Variants in PCDHGA5 observed in about 807,000 individuals in gnomAD.
PCDHGA5 encodes protocadherin gamma subfamily A, 5.
A neutral mutation model predicts 56.7 loss-of-function variants in PCDHGA5; 36 were observed. The observed-to-expected ratio is 0.64, with a 90% CI of 0.49 to 0.84. The LOEUF is 0.84. PCDHGA5 is among the 40% of genes least tolerant of loss of function. The probability of loss-of-function intolerance (pLI) is 0.00; values close to 1 mark genes in which losing one functional copy is unlikely to be tolerated. For synonymous variants in PCDHGA5, 563 were observed against 520.2 expected, an observed-to-expected ratio of 1.08 and a Z score of -1.12; for missense variants, 1,305 against 1,201.5, an observed-to-expected ratio of 1.09 and a Z score of -1.27.
intron 1 of PCDHGA5, among the ~76,000 whole-genome samples, chr5:141,456,621 G>T (rs6885794): frequency 0.55 from 83,339 of 152,038 alleles, 25,195 homozygotes; most frequent in African/African-American, 0.82. Context: ...CTGTAGATTT[G>T]CCTCTTCTTT....
chr5:141,399,373 GT>G, intron 1 of PCDHGA5: 1 of 1,613,982 alleles, frequency 6.2e-7, no homozygotes. Context: ...GGAGTACAAT[GT>G]CACCATCACA....
chr5:141,495,415 C>T (rs1385371906), intron 2 of PCDHGA5, among the ~76,000 whole-genome samples: 1 of 152,194 alleles, frequency 6.6e-6, no homozygotes, highest in Admixed American at 6.5e-5. Context: ...TTCTCCGGCC[C>T]CTCCTCCCAC....
chr5:141,444,594 T>C (rs2098442338), intron 1 of PCDHGA5, among the ~76,000 whole-genome samples: 1 of 152,244 alleles, frequency 6.6e-6, no homozygotes, highest in South Asian at 2.1e-4. Flanking sequence ...ACTTACCTTA[T>C]TTAAAATTGA....
chr5:141,497,825 C>T (rs1015168533), intron 2 of PCDHGA5, among the ~76,000 whole-genome samples: 3 of 152,154 alleles, frequency 2.0e-5, no homozygotes, highest in Admixed American at 6.5e-5. Context: ...CAGGTGTGAT[C>T]GCCCCCGGCC....
chr5:141,392,273 G>A (rs1037062086), intron 1 of PCDHGA5: 3 of 152,178 alleles, frequency 2.0e-5, no homozygotes, highest in Admixed American at 2.0e-4. Flanking sequence ...TTACAATAAA[G>A]CTTAGAGCAC....
At chr5:141,393,952 G>C in intron 1 of PCDHGA5, 4 of 1,613,916 alleles carry the variant, frequency 2.5e-6, no homozygotes, top group Non-Finnish European at 3.4e-6. Context: ...GGAAAGAATG[G>C]TCAAGTTGTC....
At chr5:141,399,311 A>C in intron 1 of PCDHGA5, 1 of 1,613,970 alleles carries the variant, frequency 6.2e-7, no homozygotes, top group Non-Finnish European at 8.5e-7. Context: ...TCTTCATCCA[A>C]AAATTCGTAT....
chr5:141,491,723 G>C lies in PCDHGA5; in HGVS notation c.2422-3084G>C. The C allele has an allele frequency of 1.2e-6, 2 of 1,606,770 alleles. No homozygotes were observed. The highest frequency in any genetic ancestry group is 1.7e-6 in the Non-Finnish European group (2 of 1,177,028). On this transcript the variant is annotated intron_variant, in intron 1 of 3. Transcript: ENST00000518069. The surrounding 1 kb of genome is among the most constrained non-coding windows in gnomAD (Gnocchi z 6.9). The stretch of plus-strand genomic sequence containing the variant: ...CAGGTGAGGGGCTCGGCGCCGCCCC[G>C]GGCGACCCCTGGGGGCGGCACTGGA...
At chr5:141,398,162 A>G (rs1037240871) in intron 1 of PCDHGA5, 45 of 1,481,274 alleles carry the variant, frequency 3.0e-5, no homozygotes, top group Non-Finnish European at 4.0e-5. Flanking sequence ...GGCCGGGCTG[A>G]GAGGCTGCCA....
intron 1 of PCDHGA5, among the ~76,000 whole-genome samples, chr5:141,466,570 T>C (rs967163331): frequency 6.6e-6 from 1 of 152,202 alleles, no homozygotes; most frequent in East Asian, 1.9e-4. Flanking sequence ...TCTTCAACAT[T>C]GTCTCATCCC....
intron 1 of PCDHGA5, chr5:141,399,419 G>T (rs778389329): frequency 6.2e-7 from 1 of 1,614,000 alleles, no homozygotes; most frequent in Admixed American, 1.7e-5. Context: ...CTCTCCTCCA[G>T]CATAAGCGTC....
chr5:141,481,208 A>G lies in PCDHGA5; in HGVS notation c.2422-13599A>G, dbSNP rs116577118. On this transcript the variant is annotated intron_variant, in intron 1 of 3. Coordinates refer to ENST00000518069, the MANE Select transcript of PCDHGA5 (RefSeq NM_018918.3). ...GCCAGGCCCAATTTTTTTAAAAAACATGGTAAGGTCTCCCAGCCTTAAAGT... is the reference window on the plus strand; with the variant it reads ...GCCAGGCCCAATTTTTTTAAAAAACGTGGTAAGGTCTCCCAGCCTTAAAGT... 3.5e-3 allele frequency among the ~76,000 whole-genome samples: 528 copies of G among 152,350 alleles called. 2 individuals carry two copies. Among genetic ancestry groups the G allele is most frequent in the African/African-American group, 0.012 (490 of 41,572 alleles).
At chr5:141,390,064 C>A in intron 1 of PCDHGA5, 3 of 1,614,058 alleles carry the variant, frequency 1.9e-6, no homozygotes, top group Middle Eastern at 3.3e-4. Context: ...TGCTTCCAGC[C>A]TGGTCTCTGT....
intron 1 of PCDHGA5, among the ~76,000 whole-genome samples, chr5:141,387,076 G>T (rs531327789): frequency 2.8e-4 from 42 of 152,310 alleles, no homozygotes; most frequent in African/African-American, 9.4e-4. Flanking sequence ...GTAGGCTACT[G>T]CCTGTGATCA....
chr5:141,461,732 A>G (rs945368729), intron 1 of PCDHGA5, among the ~76,000 whole-genome samples: 5 of 152,154 alleles, frequency 3.3e-5, no homozygotes, highest in Non-Finnish European at 5.9e-5. Context: ...GTGCAGTGGC[A>G]CAATCCCGGC....
intron 2 of PCDHGA5, among the ~76,000 whole-genome samples, chr5:141,502,431 G>A (rs998074347): frequency 1.3e-5 from 2 of 151,948 alleles, no homozygotes; most frequent in African/African-American, 4.8e-5. Context: ...TTCTCTGATG[G>A]TTAGATTCAG....
Position 141,366,394 on chromosome 5 carries a change from C to T in PCDHGA5, c.2064C>T (p.Asp688=). 1.2e-6 allele frequency: 2 copies of T among 1,614,168 alleles called. No homozygotes were observed. The highest frequency in any genetic ancestry group is 1.7e-6 in the Non-Finnish European group (2 of 1,180,044). The stretch of plus-strand genomic sequence containing the variant: ...CCCCCATTGACCCTGAGGATCTGGA[C>T]CTCACACTCTATCTTGTGGTGGCAG... The part of the protein sequence containing the change: ...IKTPIDPEDL[D]LTLYLVVAVA... The change falls in exon 1 of 4, where the codon GAC becomes GAT. Residue 688 remains aspartate, a synonymous_variant. Coordinates refer to ENST00000518069, the MANE Select transcript of PCDHGA5 (RefSeq NM_018918.3).
chr5:141,460,416 A>C (rs966481039), intron 1 of PCDHGA5, among the ~76,000 whole-genome samples: 1 of 152,138 alleles, frequency 6.6e-6, no homozygotes, highest in African/African-American at 2.4e-5. Flanking sequence ...GTTGATGTTT[A>C]TGTATGGTGT....
At chr5:141,399,760 C>T in intron 1 of PCDHGA5, 3 of 1,613,342 alleles carry the variant, frequency 1.9e-6, no homozygotes, top group Non-Finnish European at 2.5e-6. Flanking sequence ...CGTGAGCCTG[C>T]GCGTGTTGGT....
Sources: allele counts gnomAD v4.1 joint callset (sites outside exome capture counted in the v4.1 genomes callset), GRCh38; gene constraint gnomAD v4.1.1; non-coding constraint Gnocchi (gnomAD v3.1); transcripts MANE v1.5; gene names NCBI Gene and HGNC (gene_info 2026-07-23, HGNC 2026-07-21).